MYH14: variants seen among roughly 807,000 people sequenced by gnomAD.
MYH14 encodes myosin heavy chain 14.
In MYH14, 123 loss-of-function variants were observed where a neutral mutation model predicts 255.5. That is an observed-to-expected ratio of 0.48 (90% CI 0.42 to 0.56). MYH14 has a LOEUF of 0.56. Among genes scored for constraint, MYH14 ranks in the 20% least tolerant of loss-of-function variants. The pLI, the probability that MYH14 is intolerant of heterozygous loss-of-function variation, is 0.00. For missense variants in MYH14, 2,423 were observed against 2,802.3 expected (o/e 0.86, Z 3.06); for synonymous variants, 1,095 against 1,161.2 (o/e 0.94, Z 1.16).
At position 50,276,961 on chromosome 19, in the gene MYH14, G is replaced by C; in HGVS notation, c.3825+60G>C. 2 of 1,351,524 alleles carry C rather than the reference G, an allele frequency of 1.5e-6. No individual in the cohort carries two copies. Among genetic ancestry groups the C allele is most frequent in the South Asian group, 1.3e-5 (1 of 78,140 alleles). The allele number at this position is 1,351,524 out of a possible 1,614,324, so 83.7% of individuals were successfully genotyped here. A position where few individuals can be genotyped will look rare whatever the true frequency, so the allele number is the denominator to read the frequency against. On this transcript the variant is annotated intron_variant, in intron 29 of 42. Coordinates refer to ENST00000642316, the MANE Select transcript of MYH14 (RefSeq NM_001145809.2). This position sits in a 1 kb window ranked among gnomAD's most constrained non-coding sequence, Gnocchi z 4.3. ...ACGGGGAGGGCAGGGCAGGACGCGGGGTTGGAGGAGGTACCGCTGGCTGGT... is the reference window on the plus strand; with the variant it reads ...ACGGGGAGGGCAGGGCAGGACGCGGCGTTGGAGGAGGTACCGCTGGCTGGT...
chr19:50,224,032 T>C (rs2032975112), intron 5 of MYH14, 122 bp from the exon 6 acceptor site: 6 of 610,332 alleles, frequency 9.8e-6, no homozygotes, highest in African/African-American at 2.0e-5. Flanking sequence ...ATGCCCGGTT[T>C]CCCCAGTCCC....
intron 25 of MYH14, 33 bp from the exon 26 acceptor site, chr19:50,271,816 C>A: frequency 6.2e-7 from 1 of 1,611,614 alleles, no homozygotes; most frequent in East Asian, 2.2e-5. Context: ...CCCAACTCCT[C>A]CTGACTGCCC....
intron 39 of MYH14, among the ~76,000 whole-genome samples, chr19:50,295,017 T>G (rs909001394): frequency 2.1e-4 from 27 of 129,004 alleles, no homozygotes; most frequent in African/African-American, 6.6e-4. Flanking sequence ...TTTTTTTTTT[T>G]TTTTTTTTTA....
rs188919567 is a variant in MYH14 at position 50,231,823 on chromosome 19, C to G, written c.974-107C>G. On this transcript the variant is annotated intron_variant, in intron 9 of 42. Transcript: ENST00000642316. Reference sequence around the variant, plus strand: ...ACTTGTGAGTAAAGGCCCCCACCCACTTGACAGTGAGGATATGGCATGTCC... The same window carrying G: ...ACTTGTGAGTAAAGGCCCCCACCCAGTTGACAGTGAGGATATGGCATGTCC... The G allele has an allele frequency of 5.9e-3, 8,828 of 1,495,634 alleles. 44 individuals are homozygous for G. Among genetic ancestry groups the G allele is most frequent in the Non-Finnish European group, 6.7e-3 (7,334 of 1,097,798 alleles). The allele number at this position is 1,495,634 out of a possible 1,614,324, so 92.6% of individuals were successfully genotyped here. A position where few individuals can be genotyped will look rare whatever the true frequency, so the allele number is the denominator to read the frequency against.
Position 50,263,372 on chromosome 19 carries a change from G to C in MYH14, c.2646G>C (p.Ala882=), listed in dbSNP as rs763088459. The change falls in exon 22 of 43, where the codon GCG becomes GCC. Residue 882 remains alanine (A), a synonymous_variant. Coordinates refer to ENST00000642316, the MANE Select transcript of MYH14 (RefSeq NM_001145809.2). The stretch of plus-strand genomic sequence containing the variant: ...TGAGGGTGATGCAGCGGAACTGCGC[G>C]GCCTACCTCAAGCTGAGACACTGGC... ...SALRVMQRNC[A]AYLKLRHWQW... The C allele has an allele frequency of 5.6e-6, 9 of 1,603,320 alleles. No individual in the cohort carries two copies. Among genetic ancestry groups the C allele is most frequent in the Non-Finnish European group, 7.7e-6 (9 of 1,175,178 alleles).
At chr19:50,248,808 T>C (rs941988794) in intron 12 of MYH14, among the ~76,000 whole-genome samples, 179 bp from the exon 13 acceptor site, 8 of 152,230 alleles carry the variant, frequency 5.3e-5, no homozygotes, top group African/African-American at 1.9e-4. Flanking sequence ...TGGTGCGCAG[T>C]AGGACTTCAG....
rs374956489 is a variant in MYH14 at position 50,272,563 on chromosome 19, G to T, written c.3299G>T (p.Arg1100Leu). The T allele has an allele frequency of 1.3e-6, 2 of 1,568,884 alleles. No homozygotes were observed. The highest frequency in any genetic ancestry group is 1.3e-5 in the African/African-American group (1 of 74,082). ...CGGCCCCCACCCCTGCCTCCAGACC[G>T]CCTACGGAAGGAGGAGAAGGGTCGC... ...YEATIADMED[R>L]LRKEEKGRQE... The change falls in exon 27 of 43, where the codon CGC (arginine) becomes CTC (leucine). Residue 1100 changes from arginine to leucine, a missense_variant. Arg to Leu is a moderately radical substitution (Grantham distance 102, BLOSUM62 -2). Transcript: ENST00000642316.
At chr19:50,209,643 G>T (rs1167689081) in intron 1 of MYH14, among the ~76,000 whole-genome samples, 2 of 151,872 alleles carry the variant, frequency 1.3e-5, no homozygotes, top group Non-Finnish European at 1.5e-5. Flanking sequence ...CAATAGCCGG[G>T]TATGGTGGCA....
rs113247452 is a variant in MYH14 at position 50,242,929 on chromosome 19, A to G, written c.1115-1313A>G. 2.6e-3 allele frequency among the ~76,000 whole-genome samples: 403 copies of G among 152,200 alleles called. 2 individuals are homozygous for G. The highest frequency in any genetic ancestry group is 9.4e-3 in the African/African-American group (389 of 41,542). ...ATTTGCACTTTTTGCTGGTGATTGCACTGTCTCAAATGTCCCCTGAGCACA... is the reference window on the plus strand; with the variant it reads ...ATTTGCACTTTTTGCTGGTGATTGCGCTGTCTCAAATGTCCCCTGAGCACA... On this transcript the variant is annotated intron_variant, in intron 10 of 42. Coordinates refer to ENST00000642316, the MANE Select transcript of MYH14 (RefSeq NM_001145809.2).
At position 50,230,686 on chromosome 19, in the gene MYH14, G is replaced by A. The variant is rs892928618; in HGVS notation, c.973+63G>A. 4 of 1,454,724 alleles carry A rather than the reference G, an allele frequency of 2.7e-6. No homozygotes were observed. The highest frequency in any genetic ancestry group is 1.4e-5 in the African/African-American group (1 of 71,064). The allele number at this position is 1,454,724 out of a possible 1,614,324, so 90.1% of individuals were successfully genotyped here. A position where few individuals can be genotyped will look rare whatever the true frequency, so the allele number is the denominator to read the frequency against. On this transcript the variant is annotated intron_variant, in intron 9 of 42. Transcript: ENST00000642316. This position sits in a 1 kb window ranked among gnomAD's most constrained non-coding sequence, Gnocchi z 4.7. Reference sequence around the variant, plus strand: ...AGGGTGGGCACCATGTCTCTCGGGGGCCCCTTCTGGGGAGGAAGCAAGAGT... The same window carrying A: ...AGGGTGGGCACCATGTCTCTCGGGGACCCCTTCTGGGGAGGAAGCAAGAGT...
At chr19:50,279,773 G>T (rs540161112) in intron 30 of MYH14, among the ~76,000 whole-genome samples, 1 of 152,324 alleles carries the variant, frequency 6.6e-6, no homozygotes, top group African/African-American at 2.4e-5. Context: ...GCCTCTTGGC[G>T]ATGGTGAGTA....
chr19:50,259,087 G>A lies in MYH14; in HGVS notation c.2233-57G>A, dbSNP rs1276774060. ...AAACAGGAAATTGCCAAGCTTGACC[G>A]TTTGGCGCCCCCGTGTGGCCGCCGC... On this transcript the variant is annotated intron_variant, in intron 18 of 42. Transcript: ENST00000642316. The A allele has an allele frequency of 3.0e-5, 45 of 1,523,694 alleles. 2 individuals are homozygous for A. In the Middle Eastern group the frequency reaches 5.1e-4, roughly 17 times the overall value. The allele number at this position is 1,523,694 out of a possible 1,614,324, so 94.4% of individuals were successfully genotyped here.
chr19:50,289,109 G>C (rs922483705), intron 34 of MYH14, among the ~76,000 whole-genome samples: 3 of 152,176 alleles, frequency 2.0e-5, no homozygotes, highest in Non-Finnish European at 4.4e-5. Flanking sequence ...TGAGCTCACA[G>C]TGCAAAATTA....
In MYH14 at chr19:50,281,717, A is replaced by G. The variant is rs1216575438; in HGVS notation, c.4414A>G (p.Thr1472Ala). 6.2e-7 allele frequency: 1 copy of G among 1,612,494 alleles called. No individual in the cohort carries two copies. The highest frequency in any genetic ancestry group is 1.3e-5 in the African/African-American group (1 of 75,048). The change falls in exon 33 of 43, where the codon ACC (threonine) becomes GCC (alanine). Residue 1472 changes from threonine (T) to alanine (A), a missense_variant. Physicochemically the swap from Thr to Ala is moderately conservative, Grantham distance 58 (BLOSUM62 0). Coordinates refer to ENST00000642316, the MANE Select transcript of MYH14 (RefSeq NM_001145809.2). ...CCAGCGCCTGGCAGAAAAGACAGAGACCGTGGATCGGCTGGAGCGGGGCCG... is the reference window on the plus strand; with the variant it reads ...CCAGCGCCTGGCAGAAAAGACAGAGGCCGTGGATCGGCTGGAGCGGGGCCG... The part of the protein sequence containing the change: ...LTQRLAEKTE[T>A]VDRLERGRRR...
chr19:50,214,949 G>A (rs1322984178), intron 2 of MYH14, among the ~76,000 whole-genome samples: 1 of 152,162 alleles, frequency 6.6e-6, no homozygotes, highest in African/African-American at 2.4e-5. Flanking sequence ...TAATGAGGTG[G>A]GGAGTGTCGC....
Position 50,217,801 on chromosome 19 carries a change from G to A in MYH14, c.562+30G>A, listed in dbSNP as rs377090176. The A allele has an allele frequency of 5.5e-5, 88 of 1,605,856 alleles. No homozygotes were observed. The African/African-American group carries it at 7.7e-4, about 14-fold the overall frequency. On this transcript the variant is annotated intron_variant, in intron 3 of 42. Transcript: ENST00000642316. ...GTGCTGGGTGGGGCTGTAGGCCAGC[G>A]AGGCGGCTCTTCAACGGGGGCCTGA...
At chr19:50,272,110 C>T in intron 26 of MYH14, 138 bp downstream of exon 26, 1 of 1,171,228 alleles carries the variant, frequency 8.5e-7, no homozygotes. Context: ...ATTGAGTGTC[C>T]TCCCAGCTCT....
At chr19:50,275,947 C>A in intron 27 of MYH14, 44 bp from the exon 28 acceptor site, 1 of 1,504,484 alleles carries the variant, frequency 6.6e-7, no homozygotes, top group South Asian at 1.2e-5. Context: ...TTGCCTCACT[C>A]TGGCCTGCCC....
chr19:50,290,336 G>C (rs1419818468), intron 35 of MYH14, among the ~76,000 whole-genome samples: 1 of 152,042 alleles, frequency 6.6e-6, no homozygotes, highest in Non-Finnish European at 1.5e-5. Context: ...CTCCCTCCCT[G>C]CATCGTTCAT....
Sources: allele counts gnomAD v4.1 joint callset (sites outside exome capture counted in the v4.1 genomes callset), GRCh38; gene constraint gnomAD v4.1.1; non-coding constraint Gnocchi (gnomAD v3.1); transcripts MANE v1.5; gene names NCBI Gene and HGNC (gene_info 2026-07-23, HGNC 2026-07-21).